Variants in STX18 observed in about 807,000 individuals in gnomAD.
STX18 encodes the protein syntaxin 18.
A neutral mutation model predicts 50.1 loss-of-function variants in STX18; 40 were observed. The observed-to-expected ratio is 0.80, with a 90% CI of 0.62 to 1.04. STX18 has a LOEUF of 1.04. Among genes scored for constraint, STX18 ranks in the 50% least tolerant of loss-of-function variants. The pLI, the probability that STX18 is intolerant of heterozygous loss-of-function variation, is 0.00. For synonymous variants in STX18, 158 were observed against 151.8 expected (o/e 1.04, Z -0.30); for missense variants, 410 against 415.8 (o/e 0.99, Z 0.12).
chr4:4,458,593 A>C (rs1727203689), intron 3 of STX18, among the ~76,000 whole-genome samples: 1 of 152,214 alleles, frequency 6.6e-6, no homozygotes, highest in Non-Finnish European at 1.5e-5. Flanking sequence ...AAGCAAATTA[A>C]AAAAGAATCA....
intron 1 of STX18, chr4:4,478,657 TG>T (rs1257692409): frequency 6.6e-6 from 1 of 152,250 alleles, no homozygotes; most frequent in Non-Finnish European, 1.5e-5. Flanking sequence ...CTCCCTGCTT[TG>T]CCACTTACTG....
intron 2 of STX18, among the ~76,000 whole-genome samples, chr4:4,465,917 C>T (rs1380936685): frequency 6.6e-6 from 1 of 152,182 alleles, no homozygotes; most frequent in Non-Finnish European, 1.5e-5. Flanking sequence ...CCATGCCTGG[C>T]ATAGTCTATG....
At chr4:4,489,858 T>A (rs1207615440) in intron 1 of STX18, among the ~76,000 whole-genome samples, 1 of 152,216 alleles carries the variant, frequency 6.6e-6, no homozygotes, top group Non-Finnish European at 1.5e-5. Flanking sequence ...TCAAATTATA[T>A]CTTTTCATTC....
intron 6 of STX18, among the ~76,000 whole-genome samples, chr4:4,437,001 C>T (rs553158533): frequency 7.1e-6 from 1 of 141,182 alleles, no homozygotes; most frequent in East Asian, 2.0e-4. Context: ...CTCTTGTTGC[C>T]CAGGCTGGAG....
rs549068913 is a variant in STX18 at position 4,446,012 on chromosome 4, AACAG to A, written c.498-7507_498-7504del. Among the ~76,000 whole-genome samples the A allele has an allele frequency of 1.1e-4, 16 of 152,358 alleles. No individual in the cohort carries two copies. The South Asian group carries it at 2.9e-3, about 28-fold the overall frequency. ...CCAATGATACTGAATAGAGTCCAGA[AACAG>A]ACATATACATGTTTGGGTCAACTGA... On this transcript the variant is annotated intron_variant, in intron 5 of 10. Transcript: ENST00000306200.
intron 1 of STX18, among the ~76,000 whole-genome samples, chr4:4,478,233 A>AC (rs1728290436): frequency 6.6e-6 from 1 of 150,376 alleles, no homozygotes; most frequent in African/African-American, 2.5e-5. Flanking sequence ...GCAAAAAAAA[A>AC]AAACAAAAAC....
At chr4:4,523,082 T>C (rs1730586665) in intron 1 of STX18, among the ~76,000 whole-genome samples, 1 of 152,230 alleles carries the variant, frequency 6.6e-6, no homozygotes, top group Admixed American at 6.5e-5. Context: ...GATGAGGAAA[T>C]GAGGTTAAAT....
At chr4:4,509,845 T>C (rs1248434793) in intron 1 of STX18, among the ~76,000 whole-genome samples, 1 of 152,034 alleles carries the variant, frequency 6.6e-6, no homozygotes, top group Non-Finnish European at 1.5e-5. Flanking sequence ...GGCAGGTATC[T>C]CCAGGCAAAT....
intron 1 of STX18, among the ~76,000 whole-genome samples, chr4:4,528,114 G>A (rs576104650): frequency 4.6e-5 from 7 of 152,064 alleles, no homozygotes; most frequent in Non-Finnish European, 1.0e-4. Context: ...CCTGAGTCAT[G>A]GGCTGTGGAT....
At chr4:4,436,230 T>A (rs1725767835) in intron 6 of STX18, among the ~76,000 whole-genome samples, 1 of 152,242 alleles carries the variant, frequency 6.6e-6, no homozygotes, top group African/African-American at 2.4e-5. Flanking sequence ...AAAAACTGCA[T>A]GTCATCCACA....
chr4:4,439,373 A>G (rs1186216263), intron 5 of STX18, among the ~76,000 whole-genome samples: 1 of 107,732 alleles, frequency 9.3e-6, no homozygotes, highest in Non-Finnish European at 1.8e-5. Context: ...CCCCACTCAC[A>G]TATATACCCC....
Position 4,420,084 on chromosome 4 carries a change from G to A in STX18, c.958C>T (p.Leu320Phe). The change falls in exon 11 of 11, where the codon CTC (leucine) becomes TTC (phenylalanine). Residue 320 changes from leucine (L) to phenylalanine (F), a missense_variant. Physicochemically the swap from Leu to Phe is conservative, Grantham distance 22. Transcript: ENST00000306200. This position sits in a 1 kb window ranked among gnomAD's most constrained non-coding sequence, Gnocchi z 4.3. ...AGCAAGGAGAAGGAGCACATCACGA[G>A]GAAGAAGAGGATCCACACGCGGAAG... is the stretch of plus-strand genomic sequence containing the variant. ...AGFRVWILFF[L>F]VMCSFSLLFL... The A allele has an allele frequency of 6.2e-7, 1 of 1,613,504 alleles. No individual in the cohort carries two copies. The highest frequency in any genetic ancestry group is 8.5e-7 in the Non-Finnish European group (1 of 1,179,748).
chr4:4,447,232 A>T (rs1034551910), intron 5 of STX18, among the ~76,000 whole-genome samples: 1 of 151,600 alleles, frequency 6.6e-6, no homozygotes, highest in Non-Finnish European at 1.5e-5. Context: ...GAATTTTCAG[A>T]TTTTTTTTTC....
intron 2 of STX18, among the ~76,000 whole-genome samples, chr4:4,471,052 G>A (rs528833682): frequency 1.2e-4 from 18 of 152,174 alleles, no homozygotes; most frequent in Admixed American, 3.3e-4. Flanking sequence ...CAAAAGTGCC[G>A]TAAGAAATGA....
chr4:4,423,548 T>C lies in STX18; in HGVS notation c.801A>G (p.Gln267=). The C allele has an allele frequency of 6.2e-7, 1 of 1,614,218 alleles. No individual in the cohort carries two copies. The highest frequency in any genetic ancestry group is 1.7e-5 in the Admixed American group (1 of 60,030). Residue 267 remains glutamine, a synonymous_variant, in exon 9 of 11, where the codon CAA becomes CAG. Coordinates refer to ENST00000306200, the MANE Select transcript of STX18 (RefSeq NM_016930.4). The stretch of plus-strand genomic sequence containing the variant: ...GCAAAACCTTTTCCGTGAATATCTC[T>C]TGGAGTCTGGAAATCTCAACCACTC... ...EGRVVEISRL[Q]EIFTEKVLQQ...
intron 1 of STX18, among the ~76,000 whole-genome samples, chr4:4,519,698 AATC>A (rs1418019478): frequency 6.6e-6 from 1 of 152,238 alleles, no homozygotes; most frequent in Non-Finnish European, 1.5e-5. Context: ...GTAGTTGTTA[AATC>A]ATCATCTACT....
rs1342863357 is a variant in STX18, at chr4:4,419,148, T to C, written c.*886A>G. Reference sequence around the variant, plus strand: ...CATGCCCATGTGGGCGCTGGGATGCTTCCTGTACAGATGTCTCATGCCTTC... The same window carrying C: ...CATGCCCATGTGGGCGCTGGGATGCCTCCTGTACAGATGTCTCATGCCTTC... On this transcript the variant is annotated 3_prime_UTR_variant, in exon 11 of 11. Transcript: ENST00000306200. 33 of 152,290 alleles carry C rather than the reference T, an allele frequency of 2.2e-4. No individual in the cohort carries two copies. Among genetic ancestry groups the C allele is most frequent in the Admixed American group, 2.1e-3 (32 of 15,290 alleles). 9.4% of individuals were successfully genotyped at this position (152,290 alleles called of 1,614,324 possible).
At chr4:4,505,098 G>A (rs969757970) in intron 1 of STX18, among the ~76,000 whole-genome samples, 5 of 152,124 alleles carry the variant, frequency 3.3e-5, no homozygotes, top group Non-Finnish European at 5.9e-5. Flanking sequence ...CACCCCCAGT[G>A]CTGGGCAACC....
intron 1 of STX18, among the ~76,000 whole-genome samples, chr4:4,495,819 G>A (rs1729143949): frequency 6.6e-6 from 1 of 152,036 alleles, no homozygotes. Flanking sequence ...ACTCAAACAA[G>A]TTTTTAATCC....
Sources: allele counts gnomAD v4.1 joint callset (sites outside exome capture counted in the v4.1 genomes callset), GRCh38; gene constraint gnomAD v4.1.1; non-coding constraint Gnocchi (gnomAD v3.1); transcripts MANE v1.5; gene names NCBI Gene and HGNC (gene_info 2026-07-23, HGNC 2026-07-21).